JMJD1C: variants seen among roughly 807,000 people sequenced by gnomAD.
The protein encoded by JMJD1C is jumonji domain-containing protein 1C.
A neutral mutation model predicts 245.3 loss-of-function variants in JMJD1C; 31 were observed. The observed-to-expected ratio is 0.13, with a 90% CI of 0.09 to 0.17. The LOEUF (loss-of-function observed/expected upper bound fraction) is 0.17. Ranked by LOEUF, JMJD1C falls within the 10% of genes least tolerant of loss-of-function variation. The probability of loss-of-function intolerance (pLI) is 1.00; values close to 1 mark genes in which losing one functional copy is unlikely to be tolerated. For synonymous variants in JMJD1C, 1,057 were observed against 1,017.4 expected (o/e 1.04, Z -0.74); for missense variants, 2,691 against 3,000.2 (o/e 0.90, Z 2.41).
At chr10:63,367,440 T>A (rs1945943808) in intron 2 of JMJD1C, among the ~76,000 whole-genome samples, 1 of 152,002 alleles carries the variant, frequency 6.6e-6, no homozygotes, top group African/African-American at 2.4e-5. Flanking sequence ...GAGATGGGGT[T>A]TCTCCATGTT....
Position 63,239,633 on chromosome 10 carries a change from C to T in JMJD1C, c.448-19650G>A, listed in dbSNP as rs571399787. On this transcript the variant is annotated intron_variant, in intron 3 of 25. Transcript: ENST00000399262. ...CTAATTTTTGTATTTTTAGTAGAAACGGGGGTTTTGCCATGTTGGCCAGGA... is the reference window on the plus strand; with the variant it reads ...CTAATTTTTGTATTTTTAGTAGAAATGGGGGTTTTGCCATGTTGGCCAGGA... 7.9e-5 allele frequency among the ~76,000 whole-genome samples: 12 copies of T among 152,076 alleles called. No homozygotes were observed. The South Asian group carries it at 2.5e-3, about 32-fold the overall frequency.
intron 1 of JMJD1C, among the ~76,000 whole-genome samples, chr10:63,509,008 A>G (rs1954799550): frequency 6.6e-6 from 1 of 152,242 alleles, no homozygotes; most frequent in Non-Finnish European, 1.5e-5. Context: ...CTTGTGCTTA[A>G]TCTTTGCAGG....
chr10:63,213,401 G>A, intron 8 of JMJD1C, 72 bp downstream of exon 8: 1 of 895,474 alleles, frequency 1.1e-6, no homozygotes, highest in Non-Finnish European at 1.7e-6. Context: ...AAAAATAGAT[G>A]GAATATTGAA....
intron 2 of JMJD1C, among the ~76,000 whole-genome samples, chr10:63,315,236 G>C (rs565073379): frequency 6.6e-6 from 1 of 152,236 alleles, no homozygotes; most frequent in South Asian, 2.1e-4. Context: ...ACTGAGCATA[G>C]TACCCAACAG....
intron 2 of JMJD1C, among the ~76,000 whole-genome samples, chr10:63,329,279 C>CAA (rs570676884): frequency 7.4e-5 from 9 of 122,330 alleles, no homozygotes; most frequent in African/African-American, 1.5e-4. Context: ...GACCTTATTT[C>CAA]AAAAAAAAAA....
At chr10:63,256,500 T>C (rs931208148) in intron 3 of JMJD1C, among the ~76,000 whole-genome samples, 7 of 152,216 alleles carry the variant, frequency 4.6e-5, no homozygotes, top group African/African-American at 1.7e-4. Context: ...AGGAAGTATA[T>C]TGACTCTGCT....
rs994703663 is a variant in JMJD1C, at chr10:63,328,403, A to T, written c.333+51915T>A. ...ATATGTTGATAACCTTTGATTTTGC[A>T]TATACTTAAAAAAGAGCTCCCACTG... On this transcript the variant is annotated intron_variant, in intron 2 of 25. Coordinates refer to ENST00000399262, the MANE Select transcript of JMJD1C (RefSeq NM_032776.3). Among the ~76,000 whole-genome samples, 10 of 152,336 alleles carry T rather than the reference A, an allele frequency of 6.6e-5. No individual in the cohort carries two copies. In the East Asian group the frequency reaches 1.9e-3, roughly 29 times the overall value.
chr10:63,269,523 T>A (rs1856031139), intron 2 of JMJD1C, among the ~76,000 whole-genome samples: 1 of 152,222 alleles, frequency 6.6e-6, no homozygotes, highest in South Asian at 2.1e-4. Flanking sequence ...CATGTGACTA[T>A]CTCTCAAGTT....
At chr10:63,434,203 G>A (rs889077933) in intron 1 of JMJD1C, among the ~76,000 whole-genome samples, 1 of 152,076 alleles carries the variant, frequency 6.6e-6, no homozygotes, top group Non-Finnish European at 1.5e-5. Flanking sequence ...AATTTAATAA[G>A]CAGACTTCTG....
chr10:63,249,689 T>A (rs769333267), intron 3 of JMJD1C, among the ~76,000 whole-genome samples: 1 of 151,864 alleles, frequency 6.6e-6, no homozygotes, highest in Non-Finnish European at 1.5e-5. Flanking sequence ...TGAAACCCCG[T>A]CTCTACTAAA....
At chr10:63,175,806 G>C (rs1314920502) in intron 24 of JMJD1C, among the ~76,000 whole-genome samples, 1 of 152,096 alleles carries the variant, frequency 6.6e-6, no homozygotes, top group African/African-American at 2.4e-5. Context: ...ATTTTTCCCG[G>C]TGCTGGAAAA....
chr10:63,519,874 G>A (rs964938971), intron 1 of JMJD1C, among the ~76,000 whole-genome samples: 1 of 152,186 alleles, frequency 6.6e-6, no homozygotes, highest in Non-Finnish European at 1.5e-5. Context: ...TTTCATGAAG[G>A]GATCTGAATG....
At chr10:63,309,211 C>A (rs1229337504) in intron 2 of JMJD1C, among the ~76,000 whole-genome samples, 2 of 151,910 alleles carry the variant, frequency 1.3e-5, no homozygotes. Flanking sequence ...GGAATAAAGT[C>A]GCTGGGCACG....
chr10:63,375,020 T>C (rs1394247122), intron 2 of JMJD1C, among the ~76,000 whole-genome samples: 1 of 152,144 alleles, frequency 6.6e-6, no homozygotes, highest in Non-Finnish European at 1.5e-5. Context: ...CTTTTTCTGG[T>C]CTAATTTCTG....
chr10:63,363,833 C>T (rs1945614702), intron 2 of JMJD1C, among the ~76,000 whole-genome samples: 1 of 151,042 alleles, frequency 6.6e-6, no homozygotes. Flanking sequence ...ACTATAGGTA[C>T]ACGCCACCAT....
chr10:63,494,575 T>C (rs1954294338), intron 1 of JMJD1C, among the ~76,000 whole-genome samples: 1 of 152,210 alleles, frequency 6.6e-6, no homozygotes, highest in Non-Finnish European at 1.5e-5. Context: ...TAAATTGTCT[T>C]CTTTGATTGT....
rs1002727097 is a variant in JMJD1C at position 63,355,391 on chromosome 10, C to T, written c.333+24927G>A. Among the ~76,000 whole-genome samples, 9 of 152,132 alleles carry T rather than the reference C, an allele frequency of 5.9e-5. No individual in the cohort carries two copies. In the South Asian group the frequency reaches 6.2e-4, roughly 11 times the overall value. On this transcript the variant is annotated intron_variant, in intron 2 of 25. Coordinates refer to ENST00000399262, the MANE Select transcript of JMJD1C (RefSeq NM_032776.3). ...ATACTCATTTGTGTGCATATGTGTG[C>T]GCATGGCTGTGCAGTTCTATGCAAT... is the stretch of plus-strand genomic sequence containing the variant.
intron 1 of JMJD1C, among the ~76,000 whole-genome samples, chr10:63,445,669 T>TGCTATAGGC (rs1951670355): frequency 6.6e-6 from 1 of 152,108 alleles, no homozygotes; most frequent in Non-Finnish European, 1.5e-5. Context: ...TCTGACTGTT[T>TGCTATAGGC]GCTATAGGCA....
chr10:63,347,647 T>C (rs1011324535), intron 2 of JMJD1C, among the ~76,000 whole-genome samples: 1 of 150,234 alleles, frequency 6.7e-6, no homozygotes, highest in African/African-American at 2.4e-5. Context: ...GCGTAGTGGC[T>C]CATGCCTGTA....
Sources: gnomAD v4.1 joint callset for allele counts (sites outside exome capture counted in the v4.1 genomes callset) on GRCh38, gnomAD v4.1.1 for gene constraint, MANE v1.5 for transcripts, NCBI Gene and HGNC (gene_info 2026-07-23, HGNC 2026-07-21) for gene names.